SLF2: variants seen among roughly 807,000 people sequenced by gnomAD.
SLF2 encodes the protein SMC5/6 complex localization factor 2.
Under a neutral mutation model 124.3 loss-of-function variants are expected in SLF2, and 68 were observed. The observed-to-expected ratio is 0.55, with a 90% CI of 0.45 to 0.67. The LOEUF is 0.67. Among genes scored for constraint, SLF2 ranks in the 30% least tolerant of loss-of-function variants. The pLI, the probability that SLF2 is intolerant of heterozygous loss-of-function variation, is 0.00. For synonymous variants in SLF2, 480 were observed against 478.8 expected, an observed-to-expected ratio of 1.00 and a Z score of -0.03; for missense variants, 1,246 against 1,373.7, an observed-to-expected ratio of 0.91 and a Z score of 1.47.
rs539205266 is a variant in SLF2 at position 100,924,492 on chromosome 10, A to G, written c.1491A>G (p.Pro497=). The G allele has an allele frequency of 4.4e-4, 713 of 1,614,096 alleles. 7 individuals carry two copies. In the South Asian group the frequency reaches 7.0e-3, roughly 16 times the overall value. The part of the protein sequence containing the change: ...VPLNAKNCAL[P]VSKKDKERSS... ...TAAATGCTAAAAATTGTGCTCTTCC[A>G]GTTTCTAAAAAAGATAAAGAGCGTT... Residue 497 remains proline (P), a synonymous_variant, in exon 5 of 20, where the codon CCA becomes CCG. Coordinates refer to ENST00000238961, the MANE Select transcript of SLF2 (RefSeq NM_018121.4).
chr10:100,913,295 G>A (rs1348761454), intron 1 of SLF2, 45 bp downstream of exon 1: 10 of 1,481,904 alleles, frequency 6.7e-6, no homozygotes, highest in South Asian at 2.6e-5. Context: ...GCGGGGGCAA[G>A]GGTATGAGGG....
intron 12 of SLF2, among the ~76,000 whole-genome samples, chr10:100,944,781 T>G (rs1165369936): frequency 6.6e-6 from 1 of 152,118 alleles, no homozygotes; most frequent in Non-Finnish European, 1.5e-5. Context: ...TCCCAGCACT[T>G]TGGGAGGCCA....
At chr10:100,945,863 A>G (rs150863782) in intron 13 of SLF2, among the ~76,000 whole-genome samples, 16 of 152,352 alleles carry the variant, frequency 1.1e-4, no homozygotes, top group African/African-American at 3.4e-4. Flanking sequence ...TTATCATGTC[A>G]GGTAGTAGTT....
intron 1 of SLF2, chr10:100,913,659 C>T: frequency 2.0e-6 from 2 of 1,024,418 alleles, no homozygotes; most frequent in Non-Finnish European, 2.3e-6. Flanking sequence ...ATTATGTAAC[C>T]TGTGATGAGG....
rs1343584634 is a variant in SLF2, at chr10:100,961,757, A to G, written c.3487-120A>G. 3 of 780,474 alleles carry G rather than the reference A, an allele frequency of 3.8e-6. No homozygotes were observed. In the African/African-American group the frequency reaches 5.2e-5, roughly 14 times the overall value. 48.3% of individuals were successfully genotyped at this position (780,474 alleles called of 1,614,324 possible). On this transcript the variant is annotated intron_variant, in intron 19 of 19. Coordinates refer to ENST00000238961, the MANE Select transcript of SLF2 (RefSeq NM_018121.4). Reference sequence around the variant, plus strand: ...CATAAATTTTCAGAGAAGTCAATATAAAGATTTTATTACTTGTCTTATCAA... The same window carrying G: ...CATAAATTTTCAGAGAAGTCAATATGAAGATTTTATTACTTGTCTTATCAA...
At chr10:100,940,955 C>T (rs1849964466) in intron 11 of SLF2, among the ~76,000 whole-genome samples, 1 of 151,404 alleles carries the variant, frequency 6.6e-6, no homozygotes, top group Non-Finnish European at 1.5e-5. Flanking sequence ...CCTGCCTCAG[C>T]TTCCTGAGTA....
intron 19 of SLF2, among the ~76,000 whole-genome samples, chr10:100,960,783 T>C (rs878993076): frequency 6.6e-6 from 1 of 152,000 alleles, no homozygotes; most frequent in African/African-American, 2.4e-5. Flanking sequence ...CACTTTTTTT[T>C]GATGTTATAT....
At position 100,961,981 on chromosome 10, in the gene SLF2, A is replaced by C. The variant is rs187540396; in HGVS notation, c.*69A>C. The C allele has an allele frequency of 3.4e-4, 483 of 1,438,126 alleles. 3 individuals are homozygous for C. The African/African-American group carries it at 6.2e-3, about 18-fold the overall frequency. 89.1% of individuals were successfully genotyped at this position (1,438,126 alleles called of 1,614,324 possible). On this transcript the variant is annotated 3_prime_UTR_variant, in exon 20 of 20. Transcript: ENST00000238961. ...AAGAGCCTTTCATAGAGGAGTAGAA[A>C]GGATTATTACAGAATCCAATGAATG... is the stretch of plus-strand genomic sequence containing the variant.
intron 1 of SLF2, 161 bp downstream of exon 1, chr10:100,913,411 A>C (rs1849359295): frequency 1.5e-6 from 2 of 1,351,966 alleles, no homozygotes; most frequent in Non-Finnish European, 1.9e-6. Context: ...CGCAGGGGCT[A>C]CTGGGAGTTG....
chr10:100,918,722 C>G (rs1211089213), intron 4 of SLF2, among the ~76,000 whole-genome samples: 1 of 151,952 alleles, frequency 6.6e-6, no homozygotes, highest in Non-Finnish European at 1.5e-5. Flanking sequence ...CTCCTGGCCT[C>G]GAATGATTCT....
chr10:100,938,484 A>G lies in SLF2; in HGVS notation c.2513-111A>G, dbSNP rs555989937. 2.8e-5 allele frequency: 30 copies of G among 1,066,184 alleles called. No individual in the cohort carries two copies. In the South Asian group the frequency reaches 4.8e-4, roughly 17 times the overall value. 66.0% of individuals were successfully genotyped at this position (1,066,184 alleles called of 1,614,324 possible). On this transcript the variant is annotated intron_variant, in intron 10 of 19. Coordinates refer to ENST00000238961, the MANE Select transcript of SLF2 (RefSeq NM_018121.4). ...TGTTAGCATAAAATTAGCAGCTGTC[A>G]TTTCTATAAAACCATTGTAATTATT...
chr10:100,944,232 A>C (rs1036460002), intron 12 of SLF2, 104 bp downstream of exon 12: 14 of 659,616 alleles, frequency 2.1e-5, no homozygotes. Flanking sequence ...GCGGTGGCTC[A>C]CGCCTGTAAT....
chr10:100,920,722 G>A (rs867318752), intron 4 of SLF2, among the ~76,000 whole-genome samples: 3 of 152,220 alleles, frequency 2.0e-5, no homozygotes, highest in Admixed American at 1.3e-4. Flanking sequence ...GGCCAAGGCA[G>A]ATGGATCACC....
rs138914513 is a variant in SLF2 at position 100,924,542 on chromosome 10, A to G, written c.1541A>G (p.His514Arg). The change falls in exon 5 of 20, where the codon CAT (histidine) becomes CGT (arginine). Residue 514 changes from histidine to arginine, a missense_variant. Around this residue, in one of 3 missense-constraint regions of SLF2, gnomAD observed 698 missense variants for 708.9 expected, o/e 0.98. Coordinates refer to ENST00000238961, the MANE Select transcript of SLF2 (RefSeq NM_018121.4). ...TCCTCATCTAAAGAATGTTCTGGGCATTCTACAGAATCCACCAAACACAAG... is the reference window on the plus strand; with the variant it reads ...TCCTCATCTAAAGAATGTTCTGGGCGTTCTACAGAATCCACCAAACACAAG... ...ERSSSKECSGHSTESTKHKEH... is the reference protein window; with the variant it reads ...ERSSSKECSGRSTESTKHKEH... 5.0e-5 allele frequency: 81 copies of G among 1,614,150 alleles called. No homozygotes were observed. Among genetic ancestry groups the G allele is most frequent in the South Asian group, 3.8e-4 (35 of 91,088 alleles).
rs1362003945 is a variant in SLF2 at position 100,913,604 on chromosome 10, TC to T, written c.140+356del. On this transcript the variant is annotated intron_variant, in intron 1 of 19. Coordinates refer to ENST00000238961, the MANE Select transcript of SLF2 (RefSeq NM_018121.4). ...TTCTGTACGTTGTCAGTTCTACTGATCCTAGTGGTTTAGTAATATAAACCTT... is the reference window on the plus strand; with the variant it reads ...TTCTGTACGTTGTCAGTTCTACTGATCTAGTGGTTTAGTAATATAAACCTT... The T allele has an allele frequency of 3.9e-5, 45 of 1,143,734 alleles. No individual in the cohort carries two copies. The African/African-American group carries it at 6.7e-4, about 17-fold the overall frequency. 70.8% of individuals were successfully genotyped at this position (1,143,734 alleles called of 1,614,324 possible). A position where few individuals can be genotyped will look rare whatever the true frequency, so the allele number is the denominator to read the frequency against.
intron 13 of SLF2, among the ~76,000 whole-genome samples, 184 bp from the exon 14 acceptor site, chr10:100,946,855 A>G (rs1850114527): frequency 6.6e-6 from 1 of 152,256 alleles, no homozygotes. Context: ...AAGATAGTAT[A>G]AGTAAAACTG....
At chr10:100,945,735 A>G (rs1367194232) in intron 13 of SLF2, among the ~76,000 whole-genome samples, 1 of 152,232 alleles carries the variant, frequency 6.6e-6, no homozygotes, top group Non-Finnish European at 1.5e-5. Context: ...GGGATTTCCT[A>G]TGGACTAAGC....
At chr10:100,933,192 A>T (rs1239792411) in intron 9 of SLF2, among the ~76,000 whole-genome samples, 1 of 152,182 alleles carries the variant, frequency 6.6e-6, no homozygotes, top group Non-Finnish European at 1.5e-5. Flanking sequence ...TCCAAGTAAG[A>T]CTTTGCATTT....
intron 11 of SLF2, among the ~76,000 whole-genome samples, chr10:100,939,097 A>G (rs1425522234): frequency 6.6e-6 from 1 of 152,254 alleles, no homozygotes; most frequent in African/African-American, 2.4e-5. Context: ...GAGTTAATCT[A>G]GACATAGAAG....
Sources: gnomAD v4.1 joint callset for allele counts (sites outside exome capture counted in the v4.1 genomes callset) on GRCh38, gnomAD v4.1.1 for gene constraint, gnomAD v4.1.1 regional missense constraint, MANE v1.5 for transcripts, NCBI Gene and HGNC (gene_info 2026-07-23, HGNC 2026-07-21) for gene names.